NR1H2: variants seen among roughly 807,000 people sequenced by gnomAD.
NR1H2 encodes nuclear receptor subfamily 1 group H member 2.
NR1H2 carries 33 observed loss-of-function variants against 51.2 expected under a neutral mutation model. That is an observed-to-expected ratio of 0.64 (90% confidence interval 0.49 to 0.86). NR1H2 has a LOEUF of 0.86. Ranked by LOEUF, NR1H2 falls within the 40% of genes least tolerant of loss-of-function variation. NR1H2 has a pLI of 0.00. For missense variants in NR1H2, 592 were observed against 639.9 expected (o/e 0.93, Z 0.81); for synonymous variants, 310 against 264.3 (o/e 1.17, Z -1.68).
rs1568595584 is a variant in NR1H2, at chr19:50,379,889, A to G, written c.1027+10A>G. On this transcript the variant is annotated intron_variant, in intron 8 of 9. Coordinates refer to ENST00000253727, the MANE Select transcript of NR1H2 (RefSeq NM_007121.7). Reference sequence around the variant, plus strand: ...GACTTCCACCGTGCAGGTAGGGCCCAGGGGAGGCTTCGGGGAGGCTTGGCG... The same window carrying G: ...GACTTCCACCGTGCAGGTAGGGCCCGGGGGAGGCTTCGGGGAGGCTTGGCG... 2 of 1,599,542 alleles carry G rather than the reference A, an allele frequency of 1.3e-6. No individual in the cohort carries two copies. Among genetic ancestry groups the G allele is most frequent in the Non-Finnish European group, 1.7e-6 (2 of 1,166,848 alleles).
At chr19:50,380,309 A>T (rs1402673779) in intron 8 of NR1H2, among the ~76,000 whole-genome samples, 1 of 152,144 alleles carries the variant, frequency 6.6e-6, no homozygotes, top group African/African-American at 2.4e-5. Flanking sequence ...GTCTCACCCA[A>T]GGGAGGCGGG....
At chr19:50,381,720 G>A (rs1276976424) in intron 8 of NR1H2, among the ~76,000 whole-genome samples, 2 of 152,204 alleles carry the variant, frequency 1.3e-5, no homozygotes, top group African/African-American at 4.8e-5. Flanking sequence ...AAGGGAGGGT[G>A]GTGATAGGAT....
chr19:50,382,836 C>A lies in NR1H2; in HGVS notation c.*234C>A. ...CCCGACCACTGACCCTTCCCGGCTGCCCTCCCTCCCCAGCTTACACCTCAA... is the reference window on the plus strand; with the variant it reads ...CCCGACCACTGACCCTTCCCGGCTGACCTCCCTCCCCAGCTTACACCTCAA... On this transcript the variant is annotated 3_prime_UTR_variant, in exon 10 of 10. Transcript: ENST00000253727. 1 of 439,180 alleles carries A rather than the reference C, an allele frequency of 2.3e-6. No homozygotes were observed. The highest frequency in any genetic ancestry group is 4.0e-6 in the Non-Finnish European group (1 of 247,338). 27.2% of individuals were successfully genotyped at this position (439,180 alleles called of 1,614,324 possible). A position where few individuals can be genotyped will look rare whatever the true frequency, so the allele number is the denominator to read the frequency against.
chr19:50,380,031 C>T, intron 8 of NR1H2, 152 bp downstream of exon 8: 1 of 654,600 alleles, frequency 1.5e-6, no homozygotes, highest in Non-Finnish European at 2.8e-6. Context: ...AGTGCATGTG[C>T]CACGTGTGGT....
rs114757807 is a variant in NR1H2 at position 50,382,423 on chromosome 19, G to A, written c.1237-33G>A. The A allele has an allele frequency of 1.4e-3, 2,245 of 1,557,530 alleles. 21 individuals carry two copies. The African/African-American group carries it at 0.026, about 18-fold the overall frequency. ...CCTCCCAAAGCCTGGCAGGGCAGGG[G>A]CTCAGCCAGCGCCCACCTGCCTCCT... On this transcript the variant is annotated intron_variant, in intron 9 of 9. Coordinates refer to ENST00000253727, the MANE Select transcript of NR1H2 (RefSeq NM_007121.7).
At chr19:50,379,944 C>T in intron 8 of NR1H2, 65 bp downstream of exon 8, 2 of 1,035,840 alleles carry the variant, frequency 1.9e-6, no homozygotes, top group Non-Finnish European at 3.0e-6. Context: ...CTGGGGCCAA[C>T]TCATCCCTGT....
intron 5 of NR1H2, 36 bp from the exon 6 acceptor site, chr19:50,378,486 C>T (rs756967768): frequency 6.3e-7 from 1 of 1,586,094 alleles, no homozygotes; most frequent in South Asian, 1.2e-5. Flanking sequence ...CCCCGCCTAG[C>T]CCTGGGGTTC....
At chr19:50,381,076 C>T (rs1254737242) in intron 8 of NR1H2, among the ~76,000 whole-genome samples, 2 of 152,210 alleles carry the variant, frequency 1.3e-5, no homozygotes, top group South Asian at 4.1e-4. Flanking sequence ...TCACCCTCTC[C>T]CCCTGTTCCA....
In NR1H2 at chr19:50,378,255, C is replaced by T. The variant is rs951644775; in HGVS notation, c.288C>T (p.Gly96=). ...LCRVCGDKAS[G]FHYNVLSCEG... ...GTGTCTGTGGGGACAAGGCCTCCGG[C>T]TTCCACTACAACGTGCTCAGCTGCG... is the stretch of plus-strand genomic sequence containing the variant. The change falls in exon 5 of 10, where the codon GGC becomes GGT. Residue 96 remains glycine (G), a synonymous_variant. Transcript: ENST00000253727. 1 of 1,613,498 alleles carries T rather than the reference C, an allele frequency of 6.2e-7. No homozygotes were observed. Among genetic ancestry groups the T allele is most frequent in the African/African-American group, 1.3e-5 (1 of 74,952 alleles).
Position 50,382,712 on chromosome 19 carries a change from C to T in NR1H2, c.*110C>T. The T allele has an allele frequency of 1.7e-6, 2 of 1,170,748 alleles. No homozygotes were observed. The highest frequency in any genetic ancestry group is 2.4e-6 in the Non-Finnish European group (2 of 846,182). The allele number at this position is 1,170,748 out of a possible 1,614,324, so 72.5% of individuals were successfully genotyped here. On this transcript the variant is annotated 3_prime_UTR_variant, in exon 10 of 10. Coordinates refer to ENST00000253727, the MANE Select transcript of NR1H2 (RefSeq NM_007121.7). ...AGGGGCCCTGGGCCGAGCCTGTAGA[C>T]CTATCGGCTCTCATCCCTTGGGATA...
In NR1H2 at chr19:50,382,555, A is replaced by G. The variant is rs773935251; in HGVS notation, c.1336A>G (p.Lys446Glu). The change falls in exon 10 of 10, where the codon AAG (lysine) becomes GAG (glutamate). Residue 446 changes from lysine to glutamate, a missense_variant. Around this residue, in one of 3 missense-constraint regions of NR1H2, gnomAD observed 174 missense variants for 174.0 expected, o/e 1.00. Transcript: ENST00000253727. ...GGTCTTCGCCTTGCGGCTCCAGGAC[A>G]AGAAGCTGCCGCCTCTGCTGTCGGA... ...EQVFALRLQD[K>E]KLPPLLSEIW... 1.2e-6 allele frequency: 2 copies of G among 1,606,398 alleles called. No homozygotes were observed. Among genetic ancestry groups the G allele is most frequent in the Non-Finnish European group, 1.7e-6 (2 of 1,176,208 alleles).
chr19:50,381,376 C>T (rs560930109), intron 8 of NR1H2, among the ~76,000 whole-genome samples: 5 of 152,238 alleles, frequency 3.3e-5, no homozygotes, highest in Non-Finnish European at 5.9e-5. Context: ...AGAACCATGG[C>T]TCAGCAGGGC....
At position 50,378,194 on chromosome 19, in the gene NR1H2, G is replaced by A. The variant is rs1291856838; in HGVS notation, c.227G>A (p.Gly76Asp). 1.9e-6 allele frequency: 3 copies of A among 1,613,180 alleles called. No homozygotes were observed. The highest frequency in any genetic ancestry group is 3.3e-5 in the Admixed American group (2 of 60,000). ...GAACCAGAGCGCAAGCGAAAGAAGG[G>A]CCCAGCCCCGAAGATGCTGGGCCAC... Reference protein sequence around the residue: ...EEEPERKRKKGPAPKMLGHEL... With the variant: ...EEEPERKRKKDPAPKMLGHEL... Residue 76 changes from glycine (G) to aspartate (D), a missense_variant, in exon 5 of 10, where the codon GGC becomes GAC. Transcript: ENST00000253727.
Position 50,379,835 on chromosome 19 carries a change from TC to T in NR1H2, c.984del (p.Leu329Ter), listed in dbSNP as rs1166645416. On this transcript the variant is annotated frameshift_variant, in exon 8 of 10. Transcript: ENST00000253727. LOFTEE classifies it high-confidence loss of function. ...RYNHETECIT[F>X]LKDFTYSKDD... ...AACCACGAGACAGAGTGTATCACCTTCTTGAAGGACTTCACCTACAGCAAGG... is the reference window on the plus strand; with the variant it reads ...AACCACGAGACAGAGTGTATCACCTTTTGAAGGACTTCACCTACAGCAAGG... 1 of 1,614,062 alleles carries T rather than the reference TC, an allele frequency of 6.2e-7. No homozygotes were observed. Among genetic ancestry groups the T allele is most frequent in the Admixed American group, 1.7e-5 (1 of 60,010 alleles).
chr19:50,381,097 C>T (rs1400036357), intron 8 of NR1H2, among the ~76,000 whole-genome samples: 1 of 152,244 alleles, frequency 6.6e-6, no homozygotes, highest in Non-Finnish European at 1.5e-5. Flanking sequence ...GCCACTCTGG[C>T]CTCTTACTGG....
chr19:50,381,119 C>T (rs558256276), intron 8 of NR1H2, among the ~76,000 whole-genome samples: 17 of 152,362 alleles, frequency 1.1e-4, no homozygotes, highest in Admixed American at 4.6e-4. Flanking sequence ...ACCCATCCAG[C>T]ATGCTGCAGC....
intron 8 of NR1H2, among the ~76,000 whole-genome samples, chr19:50,381,051 C>T (rs191746624): frequency 1.1e-4 from 17 of 152,308 alleles, no homozygotes; most frequent in Non-Finnish European, 2.1e-4. Context: ...CTCGCTCACT[C>T]TCTGCCCTCA....
chr19:50,378,469 C>T (rs773373122), intron 5 of NR1H2, 30 bp downstream of exon 5: 3 of 1,574,202 alleles, frequency 1.9e-6, no homozygotes, highest in Non-Finnish European at 2.6e-6. Flanking sequence ...GCGGTGCCGG[C>T]CTGGCCCCCC....
intron 1 of NR1H2, 52 bp from the exon 2 acceptor site, chr19:50,376,667 C>T (rs1334990195): frequency 6.6e-6 from 1 of 152,430 alleles, no homozygotes; most frequent in African/African-American, 2.4e-5. Flanking sequence ...GCCCCCTTCT[C>T]TCCTTCCATT....
Sources: gnomAD v4.1 joint callset for allele counts (sites outside exome capture counted in the v4.1 genomes callset) on GRCh38, gnomAD v4.1.1 for gene constraint, gnomAD v4.1.1 regional missense constraint, MANE v1.5 for transcripts, NCBI Gene and HGNC (gene_info 2026-07-23, HGNC 2026-07-21) for gene names.